STAU2: variants seen among roughly 807,000 people sequenced by gnomAD.
The protein encoded by STAU2 is double-stranded RNA-binding protein Staufen homolog 2.
In STAU2, 20 loss-of-function variants were observed where a neutral mutation model predicts 65.9. The ratio of observed to expected loss-of-function variants is 0.30; its 90% CI spans 0.21 to 0.44. STAU2 has a LOEUF of 0.44. STAU2 is among the 20% of genes least tolerant of loss of function. STAU2 has a pLI of 1.00. For missense variants in STAU2, 558 were observed against 683.9 expected (o/e 0.82, Z 2.05); for synonymous variants, 232 against 233.9 (o/e 0.99, Z 0.07).
At chr8:73,582,487 ATGT>A (rs781481464) in intron 12 of STAU2, among the ~76,000 whole-genome samples, 91 of 151,298 alleles carry the variant, frequency 6.0e-4, no homozygotes, top group Non-Finnish European at 8.9e-4. Context: ...ATTTTTTATA[ATGT>A]TGTTTCAATA....
chr8:73,468,729 G>A (rs1242221247), intron 13 of STAU2, among the ~76,000 whole-genome samples: 1 of 152,180 alleles, frequency 6.6e-6, no homozygotes. Context: ...GGCCATCAGA[G>A]AAATGCAAAT....
At chr8:73,738,156 G>C in intron 3 of STAU2, 128 bp downstream of exon 3, 1 of 813,294 alleles carries the variant, frequency 1.2e-6, no homozygotes, top group East Asian at 2.6e-5. Context: ...TGACTATACA[G>C]TAGGTAACTG....
At chr8:73,571,134 C>G (rs1042677985) in intron 12 of STAU2, among the ~76,000 whole-genome samples, 2 of 152,022 alleles carry the variant, frequency 1.3e-5, no homozygotes, top group African/African-American at 4.8e-5. Flanking sequence ...CAACAAAGAT[C>G]AAAAGAGACA....
chr8:73,469,749 A>T (rs982969141), intron 13 of STAU2, among the ~76,000 whole-genome samples: 7 of 152,186 alleles, frequency 4.6e-5, no homozygotes, highest in Non-Finnish European at 1.0e-4. Flanking sequence ...TCACAAAAAA[A>T]TATCCAGACA....
intron 13 of STAU2, among the ~76,000 whole-genome samples, chr8:73,522,832 T>C (rs1179779851): frequency 6.6e-6 from 1 of 152,156 alleles, no homozygotes; most frequent in African/African-American, 2.4e-5. Context: ...TGGGAAACTC[T>C]GGCCTACAGA....
chr8:73,467,686 G>A (rs887099522), intron 13 of STAU2, among the ~76,000 whole-genome samples: 1 of 152,174 alleles, frequency 6.6e-6, no homozygotes, highest in Non-Finnish European at 1.5e-5. Flanking sequence ...AATGATGGTA[G>A]AGCCAGACAA....
chr8:73,455,493 C>T (rs1819015211), intron 13 of STAU2, among the ~76,000 whole-genome samples: 1 of 152,140 alleles, frequency 6.6e-6, no homozygotes, highest in Non-Finnish European at 1.5e-5. Flanking sequence ...GAATGTGGGA[C>T]TTGTCCCCAT....
intron 10 of STAU2, among the ~76,000 whole-genome samples, chr8:73,601,506 G>A (rs532532631): frequency 3.3e-5 from 5 of 152,028 alleles, no homozygotes; most frequent in Non-Finnish European, 5.9e-5. Context: ...TTTGGTAACA[G>A]ATAAAAATGA....
chr8:73,439,137 G>GA (rs1465659566), intron 13 of STAU2: 7 of 428,824 alleles, frequency 1.6e-5, no homozygotes, highest in Non-Finnish European at 3.3e-5. Context: ...TTCGTGGGGA[G>GA]AAAATCACTA....
chr8:73,708,663 G>A (rs748464186), intron 4 of STAU2, among the ~76,000 whole-genome samples: 3 of 152,046 alleles, frequency 2.0e-5, no homozygotes, highest in Non-Finnish European at 2.9e-5. Flanking sequence ...TGATTTAATG[G>A]AAAGCACACC....
intron 12 of STAU2, among the ~76,000 whole-genome samples, chr8:73,556,430 T>C (rs1218389616): frequency 6.6e-6 from 1 of 152,080 alleles, no homozygotes; most frequent in Non-Finnish European, 1.5e-5. Context: ...TATGAAAGTA[T>C]CTTGTTTCCT....
intron 4 of STAU2, among the ~76,000 whole-genome samples, chr8:73,702,649 A>T (rs1211511813): frequency 4.6e-5 from 7 of 152,172 alleles, no homozygotes; most frequent in Non-Finnish European, 2.9e-5. Context: ...AGATAAAACA[A>T]TTATAAACAT....
At chr8:73,529,759 A>G (rs1045666986) in intron 13 of STAU2, among the ~76,000 whole-genome samples, 6 of 152,208 alleles carry the variant, frequency 3.9e-5, no homozygotes, top group African/African-American at 7.2e-5. Flanking sequence ...CATATATGAA[A>G]GATAAATGTA....
intron 13 of STAU2, among the ~76,000 whole-genome samples, chr8:73,490,195 G>A (rs551711711): frequency 6.6e-6 from 1 of 152,066 alleles, no homozygotes; most frequent in East Asian, 1.9e-4. Context: ...TGACAGCAAG[G>A]GGAGCTTCGC....
chr8:73,502,427 C>T (rs955465422), intron 13 of STAU2, among the ~76,000 whole-genome samples: 3 of 151,948 alleles, frequency 2.0e-5, no homozygotes. Context: ...GTCCAAGATG[C>T]TTCACTCTCT....
intron 12 of STAU2, among the ~76,000 whole-genome samples, chr8:73,575,821 C>CT (rs1554544011): frequency 7.3e-5 from 1 of 13,760 alleles, no homozygotes. Context: ...AATACACACA[C>CT]AAAAAACCAC....
intron 12 of STAU2, among the ~76,000 whole-genome samples, chr8:73,568,975 C>T (rs908414103): frequency 6.6e-6 from 1 of 151,996 alleles, no homozygotes; most frequent in African/African-American, 2.4e-5. Context: ...TGGGGCTTGT[C>T]GGACAGTGGG....
At chr8:73,486,006 G>A (rs1563620543) in intron 13 of STAU2, among the ~76,000 whole-genome samples, 1 of 152,168 alleles carries the variant, frequency 6.6e-6, no homozygotes, top group Non-Finnish European at 1.5e-5. Context: ...CTGACAGGAA[G>A]TTCAGGGTAT....
At chr8:73,556,540 G>T (rs540048144) in intron 12 of STAU2, among the ~76,000 whole-genome samples, 2 of 152,076 alleles carry the variant, frequency 1.3e-5, no homozygotes, top group African/African-American at 4.8e-5. Context: ...GGCAAATCAC[G>T]AGGTCAGGAG....
Sources: allele counts gnomAD v4.1 joint callset (sites outside exome capture counted in the v4.1 genomes callset), GRCh38; gene constraint gnomAD v4.1.1; transcripts MANE v1.5; gene names NCBI Gene and HGNC (gene_info 2026-07-23, HGNC 2026-07-21).